The following PLEKHG1 variants were observed in gnomAD, a reference collection of about 807,000 sequenced individuals.
PLEKHG1 encodes the protein pleckstrin homology domain-containing family G member 1.
A neutral mutation model predicts 100.8 loss-of-function variants in PLEKHG1; 44 were observed. The observed-to-expected ratio is 0.44, with a 90% CI of 0.34 to 0.56. The LOEUF is 0.56. PLEKHG1 is among the 20% of genes least tolerant of loss of function. The pLI, the probability that PLEKHG1 is intolerant of heterozygous loss-of-function variation, is 0.01. For synonymous variants in PLEKHG1, 640 were observed against 662.5 expected (o/e 0.97, Z 0.52); for missense variants, 1,545 against 1,720.9 (o/e 0.90, Z 1.81).
At chr6:150,787,792 C>T (rs765061185) in intron 4 of PLEKHG1, among the ~76,000 whole-genome samples, 2 of 152,166 alleles carry the variant, frequency 1.3e-5, no homozygotes, top group Non-Finnish European at 2.9e-5. Context: ...AAGGCACAAT[C>T]CATGGGCTCT....
intron 2 of PLEKHG1, among the ~76,000 whole-genome samples, chr6:150,761,967 C>T (rs1005653107): frequency 1.3e-5 from 2 of 152,120 alleles, no homozygotes; most frequent in Non-Finnish European, 2.9e-5. Context: ...TGAACAGGCG[C>T]ATGTATCATC....
intron 7 of PLEKHG1, among the ~76,000 whole-genome samples, chr6:150,806,323 T>G (rs1336173329): frequency 6.8e-6 from 1 of 146,750 alleles, no homozygotes; most frequent in Non-Finnish European, 1.5e-5. Context: ...TTGAATACAG[T>G]CATCCCCCCT....
intron 1 of PLEKHG1, among the ~76,000 whole-genome samples, chr6:150,610,809 G>T (rs921880609): frequency 6.6e-6 from 1 of 152,192 alleles, no homozygotes; most frequent in Non-Finnish European, 1.5e-5. Context: ...TAAATGTGGG[G>T]CTCTGTAATA....
At chr6:150,601,646 G>T (rs1447882245) in intron 1 of PLEKHG1, among the ~76,000 whole-genome samples, 1 of 152,154 alleles carries the variant, frequency 6.6e-6, no homozygotes, top group Non-Finnish European at 1.5e-5. Context: ...TCTTCAGAGT[G>T]CTCCCACCTC....
chr6:150,609,378 A>G (rs1776729229), intron 1 of PLEKHG1, among the ~76,000 whole-genome samples: 1 of 152,196 alleles, frequency 6.6e-6, no homozygotes, highest in South Asian at 2.1e-4. Context: ...CCAAGGTTTA[A>G]ATCATAAGGA....
chr6:150,774,880 A>T (rs1784884468), intron 3 of PLEKHG1, among the ~76,000 whole-genome samples: 1 of 151,974 alleles, frequency 6.6e-6, no homozygotes, highest in African/African-American at 2.4e-5. Context: ...TTTTAAAATT[A>T]AAAAAAATTT....
intron 3 of PLEKHG1, chr6:150,662,327 T>TAC (rs1177585907): frequency 6.6e-6 from 1 of 152,306 alleles, no homozygotes; most frequent in African/African-American, 2.4e-5. Context: ...ACCATATATA[T>TAC]ACCATTGGAA....
chr6:150,696,489 C>T (rs939829722), intron 3 of PLEKHG1, among the ~76,000 whole-genome samples: 1 of 152,152 alleles, frequency 6.6e-6, no homozygotes, highest in Non-Finnish European at 1.5e-5. Context: ...ACACACGGCA[C>T]GCACGCACTT....
rs376923712 is a variant in PLEKHG1 at position 150,779,647 on chromosome 6, G to T, written c.513-6743G>T. 2.0e-5 allele frequency among the ~76,000 whole-genome samples: 3 copies of T among 150,036 alleles called. No homozygotes were observed. In the East Asian group the frequency reaches 6.3e-4, roughly 32 times the overall value. Reference sequence around the variant, plus strand: ...AGGCATGAGCCACCATGCCTGGCCTGCCAAGAAGTGTTTCTGTTGTGCTAT... The same window carrying T: ...AGGCATGAGCCACCATGCCTGGCCTTCCAAGAAGTGTTTCTGTTGTGCTAT... On this transcript the variant is annotated intron_variant, in intron 3 of 15. Coordinates refer to ENST00000358517, the Ensembl canonical transcript of PLEKHG1.
At chr6:150,809,025 A>G in intron 7 of PLEKHG1, 80 bp from the exon 9 acceptor site, 1 of 1,222,072 alleles carries the variant, frequency 8.2e-7, no homozygotes, top group South Asian at 1.4e-5. Context: ...ACCATTCTTG[A>G]GGCTCAACAG....
At chr6:150,842,667 T>G (rs560358149) in exon 16 of PLEKHG1, 2 of 152,290 alleles carry the variant, frequency 1.3e-5, no homozygotes, top group African/African-American at 4.8e-5. Flanking sequence ...CAAGATGAAA[T>G]GATCAAAAAA....
intron 2 of PLEKHG1, among the ~76,000 whole-genome samples, chr6:150,757,476 A>T (rs1167015369): frequency 6.6e-6 from 1 of 152,228 alleles, no homozygotes; most frequent in Non-Finnish European, 1.5e-5. Context: ...TTAAGCCATC[A>T]GTGTATTAAA....
At chr6:150,726,386 G>A (rs1319931469) in intron 1 of PLEKHG1, among the ~76,000 whole-genome samples, 2 of 152,058 alleles carry the variant, frequency 1.3e-5, no homozygotes, top group African/African-American at 2.4e-5. Flanking sequence ...CCAGATTCAA[G>A]TTTTATACAT....
chr6:150,832,095 A>G, exon 15 of PLEKHG1: 1 of 1,614,142 alleles, frequency 6.2e-7, no homozygotes, highest in African/African-American at 1.3e-5. Context: ...CAACTTTTAA[A>G]AGTGAAAAGT....
chr6:150,779,473 G>A (rs1327010871), intron 3 of PLEKHG1, among the ~76,000 whole-genome samples: 1 of 151,288 alleles, frequency 6.6e-6, no homozygotes, highest in Non-Finnish European at 1.5e-5. Flanking sequence ...AGTCTCCCGA[G>A]TAGCTGGGCT....
At chr6:150,773,247 C>T (rs1161544525) in intron 3 of PLEKHG1, among the ~76,000 whole-genome samples, 1 of 152,150 alleles carries the variant, frequency 6.6e-6, no homozygotes, top group African/African-American at 2.4e-5. Context: ...AAAAGTACTT[C>T]TCTCGGCTGG....
intron 3 of PLEKHG1, among the ~76,000 whole-genome samples, chr6:150,657,390 A>G (rs969814495): frequency 6.6e-6 from 1 of 152,240 alleles, no homozygotes; most frequent in Non-Finnish European, 1.5e-5. Flanking sequence ...ATCAGAAGCA[A>G]TGGGCTTCGC....
At chr6:150,682,572 G>A (rs1459580456) in intron 3 of PLEKHG1, among the ~76,000 whole-genome samples, 3 of 151,960 alleles carry the variant, frequency 2.0e-5, no homozygotes. Context: ...CACCTTTATT[G>A]CTGATAAGCT....
At chr6:150,628,569 C>T in intron 1 of PLEKHG1, among the ~76,000 whole-genome samples, 3 of 150,234 alleles carry the variant, frequency 2.0e-5, no homozygotes, top group Admixed American at 6.6e-5. Flanking sequence ...CACACACACA[C>T]ACACACACCC....
Sources: allele counts gnomAD v4.1 joint callset (sites outside exome capture counted in the v4.1 genomes callset), GRCh38; gene constraint gnomAD v4.1.1; transcripts MANE v1.5; gene names NCBI Gene and HGNC (gene_info 2026-07-23, HGNC 2026-07-21).